The following GPLD1 variants were observed in gnomAD, a reference collection of about 807,000 sequenced individuals.
GPLD1 encodes the protein glycosylphosphatidylinositol specific phospholipase D1.
GPLD1 carries 84 observed loss-of-function variants against 112.6 expected under a neutral mutation model. The observed-to-expected ratio is 0.75, with a 90% CI of 0.63 to 0.89. The LOEUF (loss-of-function observed/expected upper bound fraction) is 0.89. Ranked by LOEUF, GPLD1 falls within the 40% of genes least tolerant of loss-of-function variation. GPLD1 has a pLI of 0.00. For missense variants in GPLD1, 1,044 were observed against 1,051.5 expected (o/e 0.99, Z 0.10); for synonymous variants, 386 against 403.8 (o/e 0.96, Z 0.53).
At chr6:24,494,823 G>A (rs4646831) in intron 1 of GPLD1, 20,938 of 735,668 alleles carry the variant, frequency 0.028, 522 homozygotes, top group South Asian at 0.1. Context: ...GCGGTGCAGC[G>A]AGAAAGACGC....
chr6:24,450,904 A>G (rs1348624518), intron 14 of GPLD1, among the ~76,000 whole-genome samples: 1 of 151,604 alleles, frequency 6.6e-6, no homozygotes, highest in Non-Finnish European at 1.5e-5. Context: ...CCTGGGAGGC[A>G]GAGGTTGCAG....
intron 2 of GPLD1, among the ~76,000 whole-genome samples, chr6:24,485,858 G>A (rs1284594660): frequency 1.3e-5 from 2 of 151,872 alleles, no homozygotes; most frequent in Non-Finnish European, 2.9e-5. Context: ...TAGTGGAGAT[G>A]GGGTTTCTCC....
chr6:24,462,613 A>T (rs1763472580), intron 11 of GPLD1, 117 bp downstream of exon 11: 1 of 693,590 alleles, frequency 1.4e-6, no homozygotes, highest in Admixed American at 2.3e-5. Flanking sequence ...GCAAGTGACA[A>T]ATCTGGAATT....
chr6:24,456,226 T>C (rs1434460283), intron 13 of GPLD1, among the ~76,000 whole-genome samples: 2 of 151,814 alleles, frequency 1.3e-5, no homozygotes, highest in African/African-American at 2.4e-5. Flanking sequence ...TGGTGAAACC[T>C]TGTCTCTACT....
chr6:24,489,548 A>C lies in GPLD1; in HGVS notation c.-37T>G, dbSNP rs1277113845. On this transcript the variant is annotated 5_prime_UTR_variant, in exon 1 of 25. The change creates a new upstream start codon in the 5' untranslated region. Coordinates refer to ENST00000230036, the MANE Select transcript of GPLD1 (RefSeq NM_001503.4). ...CCACCGGCTTCTCTGGTGACGTGGG[A>C]ATGCTCAGAGCTGCAGCAGCACTGG... 6.2e-7 allele frequency: 1 copy of C among 1,613,296 alleles called. No homozygotes were observed. The highest frequency in any genetic ancestry group is 2.2e-5 in the East Asian group (1 of 44,878).
intron 2 of GPLD1, among the ~76,000 whole-genome samples, chr6:24,482,563 G>A (rs557675464): frequency 4.5e-4 from 69 of 152,260 alleles, no homozygotes; most frequent in African/African-American, 1.6e-3. Flanking sequence ...TTACAGACAT[G>A]AGCCACTGCG....
upstream of GPLD1, among the ~76,000 whole-genome samples, chr6:24,490,616 G>A (rs1311775523): frequency 7.2e-5 from 11 of 152,100 alleles, no homozygotes; most frequent in African/African-American, 2.7e-4. Context: ...GCCAGGTGTG[G>A]TGGCACGTGA....
At chr6:24,446,710 C>T in intron 18 of GPLD1, 128 bp downstream of exon 18, 1 of 836,402 alleles carries the variant, frequency 1.2e-6, no homozygotes, top group Non-Finnish European at 1.8e-6. Context: ...TTGCCCAGAG[C>T]CTTGGCTTTT....
intron 20 of GPLD1, among the ~76,000 whole-genome samples, chr6:24,442,893 T>C (rs1581738652): frequency 1.3e-5 from 2 of 152,062 alleles, no homozygotes; most frequent in Non-Finnish European, 2.9e-5. Context: ...CTATTTTATA[T>C]TGGACTTTAT....
intron 12 of GPLD1, 122 bp downstream of exon 12, chr6:24,460,157 C>A: frequency 8.6e-7 from 1 of 1,168,118 alleles, no homozygotes; most frequent in Non-Finnish European, 1.3e-6. Context: ...CTCAGCCTCC[C>A]AGCCACCACA....
intron 20 of GPLD1, among the ~76,000 whole-genome samples, chr6:24,442,419 CTAATTTTTTTTTTTTTTTT>C: frequency 1.6e-5 from 2 of 126,740 alleles, no homozygotes; most frequent in Admixed American, 9.4e-5. Context: ...CCACATCTGG[CTAATTTTTTTTTTTTTTTT>C]TTTTTTTTTT....
rs1342610805 is a variant in GPLD1 at position 24,472,656 on chromosome 6, T to C, written c.491-20A>G. 2.7e-6 allele frequency: 4 copies of C among 1,461,522 alleles called. No homozygotes were observed. Among genetic ancestry groups the C allele is most frequent in the South Asian group, 2.3e-5 (2 of 87,216 alleles). The allele number at this position is 1,461,522 out of a possible 1,614,324, so 90.5% of individuals were successfully genotyped here. ...CTCCTCCTAGGGTATGAGAAAAATA[T>C]TGACATTTGGTGGATTAGTGACAAA... On this transcript the variant is annotated intron_variant, in intron 6 of 24. Coordinates refer to ENST00000230036, the MANE Select transcript of GPLD1 (RefSeq NM_001503.4).
At chr6:24,488,633 G>A (rs1764461815) in intron 1 of GPLD1, among the ~76,000 whole-genome samples, 1 of 152,156 alleles carries the variant, frequency 6.6e-6, no homozygotes. Flanking sequence ...CTATGTGGGG[G>A]GGGCGGATGT....
At chr6:24,442,559 C>T (rs113752431) in intron 20 of GPLD1, among the ~76,000 whole-genome samples, 14,980 of 141,878 alleles carry the variant, frequency 0.11, 1,088 homozygotes, top group East Asian at 0.14. Context: ...ATTCTCCTGC[C>T]TCAGCCTCCT....
intron 18 of GPLD1, among the ~76,000 whole-genome samples, chr6:24,446,378 C>G (rs1762910165): frequency 6.6e-6 from 1 of 151,828 alleles, no homozygotes; most frequent in Admixed American, 6.6e-5. Context: ...GGCATGGGCA[C>G]ACACGACTTG....
At chr6:24,450,302 A>G (rs968197516) in intron 14 of GPLD1, among the ~76,000 whole-genome samples, 24 of 151,994 alleles carry the variant, frequency 1.6e-4, no homozygotes, top group Non-Finnish European at 3.2e-4. Flanking sequence ...GGAGTTCAAA[A>G]CCAGCCTGGC....
At chr6:24,435,836 A>AAAAAAAAAAAAAATAAAAAAAAT (rs1427422814) in intron 22 of GPLD1, 1 of 146,528 alleles carries the variant, frequency 6.8e-6, no homozygotes, top group Non-Finnish European at 1.5e-5. Flanking sequence ...AAAAAAAAAA[A>AAAAAAAAAAAAAATAAAAAAAAT]AAAAAAAAAA....
chr6:24,430,617 C>T (rs532967285), intron 24 of GPLD1, among the ~76,000 whole-genome samples: 16 of 152,188 alleles, frequency 1.1e-4, no homozygotes, highest in Admixed American at 3.3e-4. Context: ...CTTAAGTAGA[C>T]GCCGGATCCT....
intron 24 of GPLD1, among the ~76,000 whole-genome samples, 186 bp downstream of exon 24, chr6:24,433,001 T>C (rs1554128580): frequency 6.6e-6 from 1 of 152,194 alleles, no homozygotes; most frequent in Non-Finnish European, 1.5e-5. Flanking sequence ...GAGGATAAAA[T>C]AGGAAGAGTA....
Sources: allele counts gnomAD v4.1 joint callset (sites outside exome capture counted in the v4.1 genomes callset), GRCh38; gene constraint gnomAD v4.1.1; transcripts MANE v1.5; gene names NCBI Gene and HGNC (gene_info 2026-07-23, HGNC 2026-07-21).